RIMS2: variants seen among roughly 807,000 people sequenced by gnomAD.
RIMS2 encodes the protein regulating synaptic membrane exocytosis protein 2.
RIMS2 carries 59 observed loss-of-function variants against 174.4 expected under a neutral mutation model. The observed-to-expected ratio is 0.34, with a 90% CI of 0.27 to 0.42. RIMS2 has a LOEUF of 0.42. RIMS2 is among the 10% of genes least tolerant of loss of function. The probability of loss-of-function intolerance (pLI) is 1.00; values close to 1 mark genes in which losing one functional copy is unlikely to be tolerated. For missense variants in RIMS2, 1,620 were observed against 1,666.3 expected (o/e 0.97, Z 0.48); for synonymous variants, 606 against 572.5 (o/e 1.06, Z -0.84).
At chr8:103,756,170 A>G (rs2097999969) in intron 2 of RIMS2, among the ~76,000 whole-genome samples, 2 of 152,018 alleles carry the variant, frequency 1.3e-5, no homozygotes, top group African/African-American at 4.8e-5. Context: ...TAGTTTTCCT[A>G]CTAGCAGTCA....
chr8:103,932,238 T>C (rs141993725), intron 12 of RIMS2, among the ~76,000 whole-genome samples: 2,815 of 152,318 alleles, frequency 0.018, 41 homozygotes, highest in Middle Eastern at 0.031. Context: ...ATGTTAAATA[T>C]GTTTATACGC....
intron 19 of RIMS2, among the ~76,000 whole-genome samples, chr8:104,160,743 G>C (rs2098756079): frequency 6.6e-6 from 1 of 152,076 alleles, no homozygotes; most frequent in Non-Finnish European, 1.5e-5. Flanking sequence ...CTATTTGTAA[G>C]AATCATTTTA....
chr8:103,529,087 C>T (rs1052491187), intron 1 of RIMS2, among the ~76,000 whole-genome samples: 2 of 152,174 alleles, frequency 1.3e-5, no homozygotes, highest in African/African-American at 2.4e-5. Context: ...GTTTATAGTT[C>T]TCCTTGAAGA....
chr8:104,236,688 G>A (rs541257626), intron 19 of RIMS2, among the ~76,000 whole-genome samples: 3 of 152,080 alleles, frequency 2.0e-5, no homozygotes, highest in African/African-American at 7.2e-5. Flanking sequence ...CATACTGCAT[G>A]TTAATTTTAT....
At chr8:103,893,856 T>C (rs1307492615) in intron 4 of RIMS2, among the ~76,000 whole-genome samples, 1 of 152,096 alleles carries the variant, frequency 6.6e-6, no homozygotes, top group Non-Finnish European at 1.5e-5. Flanking sequence ...TACAGTGACT[T>C]GTTTGTAACT....
At chr8:103,520,299 C>T (rs1418220367) in intron 1 of RIMS2, among the ~76,000 whole-genome samples, 1 of 152,108 alleles carries the variant, frequency 6.6e-6, no homozygotes, top group Non-Finnish European at 1.5e-5. Context: ...TGCTCTACAT[C>T]CCCATCTGAA....
intron 1 of RIMS2, among the ~76,000 whole-genome samples, chr8:103,560,092 C>G (rs1484859344): frequency 6.6e-6 from 1 of 152,136 alleles, no homozygotes; most frequent in African/African-American, 2.4e-5. Context: ...AGCTTATCTT[C>G]CAAGTGTTTA....
chr8:103,938,967 C>T (rs2081940524), intron 13 of RIMS2, among the ~76,000 whole-genome samples: 1 of 152,194 alleles, frequency 6.6e-6, no homozygotes, highest in Admixed American at 6.5e-5. Context: ...ACCCCTGTGG[C>T]TTTGCAGAGT....
chr8:103,501,950 T>C (rs1206349902), intron 1 of RIMS2, among the ~76,000 whole-genome samples: 3 of 152,244 alleles, frequency 2.0e-5, no homozygotes, highest in African/African-American at 7.2e-5. Context: ...GCTCTGAGAC[T>C]ACTTTTCTGG....
intron 19 of RIMS2, among the ~76,000 whole-genome samples, chr8:104,210,877 A>G (rs2099102182): frequency 6.6e-6 from 1 of 152,234 alleles, no homozygotes; most frequent in Non-Finnish European, 1.5e-5. Context: ...TAGGAACAAA[A>G]TGTATCTCTG....
intron 11 of RIMS2, among the ~76,000 whole-genome samples, chr8:103,929,951 C>A (rs1342426163): frequency 6.6e-6 from 1 of 151,914 alleles, no homozygotes; most frequent in Non-Finnish European, 1.5e-5. Context: ...TAAAATCCAA[C>A]TTCCAGGGCC....
intron 19 of RIMS2, among the ~76,000 whole-genome samples, chr8:104,116,871 A>C (rs1306556407): frequency 6.6e-6 from 1 of 152,164 alleles, no homozygotes; most frequent in East Asian, 1.9e-4. Flanking sequence ...TTAATGATAA[A>C]GAGCTTTTCT....
intron 1 of RIMS2, among the ~76,000 whole-genome samples, chr8:103,544,349 G>A (rs745803351): frequency 4.6e-5 from 7 of 152,118 alleles, no homozygotes; most frequent in South Asian, 4.1e-4. Context: ...TGCAGCTTAC[G>A]CTTGTCCTGG....
intron 2 of RIMS2, among the ~76,000 whole-genome samples, chr8:103,697,546 G>GA (rs35424647): frequency 0.37 from 49,075 of 131,416 alleles, 9,159 homozygotes; most frequent in East Asian, 0.77. Flanking sequence ...CTGTCTCTAC[G>GA]AAAAAAAAAA....
At chr8:103,616,582 C>G (rs914820085) in intron 1 of RIMS2, among the ~76,000 whole-genome samples, 2 of 152,168 alleles carry the variant, frequency 1.3e-5, no homozygotes, top group Non-Finnish European at 2.9e-5. Flanking sequence ...GTCAAACTAT[C>G]TCTATTTGCA....
Position 103,941,252 on chromosome 8 carries a change from CAG to C in RIMS2, c.2548-1520_2548-1519del, listed in dbSNP as rs201175060. The stretch of plus-strand genomic sequence containing the variant: ...ATACCAATCCTTTGGGAAGCGGAGA[CAG>C]GGGGATAGCTTGAGACCAGGAGTCC... On this transcript the variant is annotated intron_variant, in intron 13 of 23. Transcript: ENST00000504942. Among the ~76,000 whole-genome samples, 1,130 of 152,004 alleles carry C rather than the reference CAG, an allele frequency of 7.4e-3. 11 individuals carry two copies. Among genetic ancestry groups the C allele is most frequent in the Middle Eastern group, 0.01 (3 of 294 alleles).
At chr8:103,953,671 C>G (rs1426552165) in intron 14 of RIMS2, among the ~76,000 whole-genome samples, 1 of 152,078 alleles carries the variant, frequency 6.6e-6, no homozygotes, top group Non-Finnish European at 1.5e-5. Context: ...AGACCATCGA[C>G]ATTATGAAGA....
rs73297528 is a variant in RIMS2 at position 104,078,202 on chromosome 8, A to C, written c.3334+63587A>C. On this transcript the variant is annotated intron_variant, in intron 19 of 23. Transcript: ENST00000504942. The stretch of plus-strand genomic sequence containing the variant: ...ACTTGATGGTAACTCATTTTAATGA[A>C]ATTTTAGCGATTTTGTATTTTTATT... Among the ~76,000 whole-genome samples the C allele has an allele frequency of 9.1e-3, 1,392 of 152,210 alleles. 13 individuals are homozygous for C. The highest frequency in any genetic ancestry group is 0.031 in the African/African-American group (1,277 of 41,546).
intron 19 of RIMS2, among the ~76,000 whole-genome samples, chr8:104,062,180 C>A (rs1277612792): frequency 6.6e-6 from 1 of 151,976 alleles, no homozygotes; most frequent in African/African-American, 2.4e-5. Context: ...CTGAGGCGGG[C>A]AGATCATGAG....
Sources: allele counts gnomAD v4.1 joint callset (sites outside exome capture counted in the v4.1 genomes callset), GRCh38; gene constraint gnomAD v4.1.1; transcripts MANE v1.5; gene names NCBI Gene and HGNC (gene_info 2026-07-23, HGNC 2026-07-21).